Variants in PIDD1 observed in about 807,000 individuals in gnomAD.
PIDD1 encodes p53-induced death domain protein 1.
A neutral mutation model predicts 80.0 loss-of-function variants in PIDD1; 72 were observed. The ratio of observed to expected loss-of-function variants is 0.90; its 90% CI spans 0.74 to 1.09. The LOEUF (loss-of-function observed/expected upper bound fraction) is 1.09, where lower values mean the gene tolerates loss of function less well. Among genes scored for constraint, PIDD1 ranks in the 50% least tolerant of loss-of-function variants. PIDD1 has a pLI of 0.00. For synonymous variants in PIDD1, 655 were observed against 543.5 expected, an observed-to-expected ratio of 1.21 and a Z score of -2.85; for missense variants, 1,329 against 1,228.3, an observed-to-expected ratio of 1.08 and a Z score of -1.23.
In PIDD1 at chr11:802,235, T is replaced by C. The variant is rs751774501; in HGVS notation, c.1136A>G (p.His379Arg). The C allele has an allele frequency of 6.2e-6, 10 of 1,611,514 alleles. No homozygotes were observed. The Middle Eastern group carries it at 1.3e-3, about 214-fold the overall frequency. The stretch of plus-strand genomic sequence containing the variant: ...CCCATGGGGCTGCAGCTCCAGCACA[T>C]GGCTGAGCAGGGCGTCATGAGGACC... ...PLGPHDALLSHVLELQPHGVA... is the reference protein window; with the variant it reads ...PLGPHDALLSRVLELQPHGVA... Residue 379 changes from histidine to arginine, a missense_variant, in exon 6 of 16, where the codon CAT becomes CGT. Transcript: ENST00000347755.
In PIDD1 at chr11:801,481, AG is replaced by A; in HGVS notation, c.1445del (p.Pro482LeufsTer33). 1 of 1,546,168 alleles carries A rather than the reference AG, an allele frequency of 6.5e-7. No homozygotes were observed. Among genetic ancestry groups the A allele is most frequent in the South Asian group, 1.2e-5 (1 of 81,954 alleles). On this transcript the variant is annotated frameshift_variant, in exon 8 of 16. Transcript: ENST00000347755. LOFTEE classifies it high-confidence loss of function. ...GHPGVKVIFP[P>X]GATEEPRRVS... ...CTCGACGAGGCTCCTCAGTGGCCCC[AG>A]GGGGGAAGATGACTTTGACCCCAGG...
At position 800,449 on chromosome 11, in the gene PIDD1, G is replaced by C; in HGVS notation, c.2044C>G (p.Arg682Gly). Reference protein sequence around the residue: ...FERGIDVDADRPDCVEGRICF... With the variant: ...FERGIDVDADGPDCVEGRICF... ...ATTCTGCCCTCCACACAGTCAGGGC[G>C]GTCTAGGGGACAGGGGTGGGCTGAG... Residue 682 changes from arginine (R) to glycine (G), a missense_variant and splice_region_variant, in exon 13 of 16, where the codon CGC becomes GGC. Coordinates refer to ENST00000347755, the MANE Select transcript of PIDD1 (RefSeq NM_145886.4). The C allele has an allele frequency of 6.9e-7, 1 of 1,453,964 alleles. No individual in the cohort carries two copies. Among genetic ancestry groups the C allele is most frequent in the Admixed American group, 1.8e-5 (1 of 56,164 alleles). 90.1% of individuals were successfully genotyped at this position (1,453,964 alleles called of 1,614,324 possible). A position where few individuals can be genotyped will look rare whatever the true frequency, so the allele number is the denominator to read the frequency against.
chr11:800,549 C>A lies in PIDD1; in HGVS notation c.2035G>T (p.Asp679Tyr). 4.6e-6 allele frequency: 7 copies of A among 1,515,014 alleles called. No homozygotes were observed. Among genetic ancestry groups the A allele is most frequent in the Non-Finnish European group, 6.3e-6 (7 of 1,110,402 alleles). 93.8% of individuals were successfully genotyped at this position (1,515,014 alleles called of 1,614,324 possible). ...FAAFERGIDV[D>Y]ADRPDCVEGR... The stretch of plus-strand genomic sequence containing the variant: ...CATCCACCAGCATCCCTACCAGCAT[C>A]CACGTCGATGCCGCGCTCGAAGGCC... The change falls in exon 12 of 16, where the codon GAT (aspartate) becomes TAT (tyrosine). Residue 679 changes from aspartate (D) to tyrosine (Y), a missense_variant. By Grantham distance (160) the Asp-to-Tyr change is radical. Coordinates refer to ENST00000347755, the MANE Select transcript of PIDD1 (RefSeq NM_145886.4).
upstream of PIDD1, among the ~76,000 whole-genome samples, chr11:807,536 G>C (rs1167224205): frequency 6.6e-6 from 1 of 151,740 alleles, no homozygotes; most frequent in Non-Finnish European, 1.5e-5. Flanking sequence ...CCAGCACTTT[G>C]GGAGGCCGAG....
rs1399860248 is a variant in PIDD1, at chr11:801,285, T to C, written c.1563A>G (p.Ser521=). Residue 521 remains serine, a synonymous_variant, in exon 9 of 16, where the codon TCA becomes TCG. Transcript: ENST00000347755. ...EAAVSPLLCL[S]QSGPPSFLQP... ...GGAGGAAGCTGGGGGGACCGCTCTG[T>C]GACAGGCACAGCAGGGGGCTCACTG... is the stretch of plus-strand genomic sequence containing the variant. 3.1e-6 allele frequency: 5 copies of C among 1,591,206 alleles called. No individual in the cohort carries two copies. In the South Asian group the frequency reaches 3.4e-5, roughly 11 times the overall value.
Position 802,198 on chromosome 11 carries a change from C to G in PIDD1, c.1173G>C (p.Gln391His), listed in dbSNP as rs372742755. 6.2e-7 allele frequency: 1 copy of G among 1,603,074 alleles called. No homozygotes were observed. Among genetic ancestry groups the G allele is most frequent in the South Asian group, 1.1e-5 (1 of 90,150 alleles). ...LELQPHGVAFQQDVGLWLLFT... is the reference protein window; with the variant it reads ...LELQPHGVAFHQDVGLWLLFT... The stretch of plus-strand genomic sequence containing the variant: ...CCCCGCCACGCCCTGTCCATGCCTG[C>G]TGGAAGGCCACCCCATGGGGCTGCA... The change falls in exon 6 of 16, where the codon CAG becomes CAC. Residue 391 changes from glutamine (Q) to histidine (H), a missense_variant. Coordinates refer to ENST00000347755, the MANE Select transcript of PIDD1 (RefSeq NM_145886.4).
At chr11:805,907 TG>T (rs200767611), upstream of PIDD1, 1,661 of 153,448 alleles carry the variant, frequency 0.011, 19 homozygotes, top group African/African-American at 0.027. Context: ...GAGACCAGCC[TG>T]GCCAACATGG....
Position 800,821 on chromosome 11 carries a change from C to G in PIDD1, c.1858G>C (p.Ala620Pro), listed in dbSNP as rs544118846. 6.4e-7 allele frequency: 1 copy of G among 1,562,754 alleles called. No homozygotes were observed. Among genetic ancestry groups the G allele is most frequent in the Non-Finnish European group, 8.7e-7 (1 of 1,154,084 alleles). ...TCAGGGTCCCGGCGCCGCTGCAGAG[C>G]GATGAGGTTCACACGGTGCAGCCGC... ...RLRLHRVNLI[A>P]LQRRRDPEQV... Residue 620 changes from alanine to proline, a missense_variant, in exon 11 of 16, where the codon GCT becomes CCT. Ala to Pro is a conservative substitution (Grantham distance 27, BLOSUM62 -1). Coordinates refer to ENST00000347755, the MANE Select transcript of PIDD1 (RefSeq NM_145886.4).
Position 802,799 on chromosome 11 carries a change from G to C in PIDD1, c.802C>G (p.Leu268Val). The part of the protein sequence containing the change: ...DLARLPLLTR[L>V]DLRDNQLRDL... The stretch of plus-strand genomic sequence containing the variant: ...CGGAGCTGGTTGTCCCTCAGGTCGA[G>C]CCGGGTGAGGAGTGGAAGGCGGGCC... The change falls in exon 4 of 16, where the codon CTC becomes GTC. Residue 268 changes from leucine (L) to valine (V), a missense_variant. Transcript: ENST00000347755. 6.2e-7 allele frequency: 1 copy of C among 1,605,226 alleles called. No individual in the cohort carries two copies. Among genetic ancestry groups the C allele is most frequent in the African/African-American group, 1.3e-5 (1 of 74,958 alleles).
At chr11:802,941 T>A in intron 3 of PIDD1, 50 bp from the exon 4 acceptor site, 1 of 1,460,434 alleles carries the variant, frequency 6.8e-7, no homozygotes, top group South Asian at 1.2e-5. Flanking sequence ...CCCACGGCGC[T>A]GGGACACTCC....
chr11:801,150 C>T lies in PIDD1; in HGVS notation c.1631-30G>A, dbSNP rs189614907. ...GGATGGGAGGGGCAGCGAGCTGAGG[C>T]CTCCTGGCCGGAGACCCCCTCCACC... On this transcript the variant is annotated intron_variant, in intron 9 of 15. Transcript: ENST00000347755. 338 of 1,546,850 alleles carry T rather than the reference C, an allele frequency of 2.2e-4. 3 individuals carry two copies. The Middle Eastern group carries it at 3.0e-3, about 14-fold the overall frequency.
chr11:804,670 C>A, intron 1 of PIDD1: 1 of 441,290 alleles, frequency 2.3e-6, no homozygotes, highest in South Asian at 4.2e-5. Context: ...CCATGGCTCG[C>A]AGGAGCACCG....
Position 802,351 on chromosome 11 carries a change from G to A in PIDD1, c.1020C>T (p.Gly340=), listed in dbSNP as rs750608574. Residue 340 remains glycine, a synonymous_variant, in exon 6 of 16, where the codon GGC becomes GGT. Coordinates refer to ENST00000347755, the MANE Select transcript of PIDD1 (RefSeq NM_145886.4). ...PQGCSVTLAC[G]VRLQFPAGAT... is the part of the protein sequence containing the mutation. ...CTCCCGCTGGGAACTGCAGGCGGAC[G>A]CCACAGGCCAGGGTCACTGAGCAGC... 1.4e-5 allele frequency: 23 copies of A among 1,611,622 alleles called. No homozygotes were observed. The highest frequency in any genetic ancestry group is 1.8e-4 in the Middle Eastern group (1 of 5,648).
chr11:803,528 C>T lies in PIDD1; in HGVS notation c.355G>A (p.Ala119Thr), dbSNP rs147662808. 17 of 1,613,076 alleles carry T rather than the reference C, an allele frequency of 1.1e-5. No homozygotes were observed. Among genetic ancestry groups the T allele is most frequent in the Middle Eastern group, 1.6e-4 (1 of 6,084 alleles). ...AGATGGGCCAGGCCACTCAGACCAGCGGGCAGGTTGGTCAGGGCACCCCGG... is the reference window on the plus strand; with the variant it reads ...AGATGGGCCAGGCCACTCAGACCAGTGGGCAGGTTGGTCAGGGCACCCCGG... ...CLRGALTNLPAGLSGLAHLAH... is the reference protein window; with the variant it reads ...CLRGALTNLPTGLSGLAHLAH... Residue 119 changes from alanine to threonine, a missense_variant, in exon 3 of 16, where the codon GCT (alanine) becomes ACT (threonine). Physicochemically the swap from Ala to Thr is moderately conservative, Grantham distance 58. Transcript: ENST00000347755.
chr11:805,616 C>G, upstream of PIDD1: 2 of 985,394 alleles, frequency 2.0e-6, no homozygotes, highest in Non-Finnish European at 2.4e-6. Context: ...CCGCACCCAC[C>G]CCTGCTACAA....
Position 801,478 on chromosome 11 carries a change from C to T in PIDD1, c.1449G>A (p.Gly483=), listed in dbSNP as rs2133776254. 4 of 1,547,366 alleles carry T rather than the reference C, an allele frequency of 2.6e-6. No individual in the cohort carries two copies. The East Asian group carries it at 7.0e-5, about 27-fold the overall frequency. The change falls in exon 8 of 16, where the codon GGG becomes GGA. Residue 483 remains glycine (G), a synonymous_variant. Coordinates refer to ENST00000347755, the MANE Select transcript of PIDD1 (RefSeq NM_145886.4). ...HPGVKVIFPP[G]ATEEPRRVSM... Reference sequence around the variant, plus strand: ...AGACTCGACGAGGCTCCTCAGTGGCCCCAGGGGGGAAGATGACTTTGACCC... The same window carrying T: ...AGACTCGACGAGGCTCCTCAGTGGCTCCAGGGGGGAAGATGACTTTGACCC...
In PIDD1 at chr11:801,482, G is replaced by A. The variant is rs199821306; in HGVS notation, c.1445C>T (p.Pro482Leu). ...GHPGVKVIFPPGATEEPRRVS... is the reference protein window; with the variant it reads ...GHPGVKVIFPLGATEEPRRVS... ...TCGACGAGGCTCCTCAGTGGCCCCAGGGGGGAAGATGACTTTGACCCCAGG... is the reference window on the plus strand; with the variant it reads ...TCGACGAGGCTCCTCAGTGGCCCCAAGGGGGAAGATGACTTTGACCCCAGG... The change falls in exon 8 of 16, where the codon CCT becomes CTT. Residue 482 changes from proline (P) to leucine (L), a missense_variant. Transcript: ENST00000347755. The A allele has an allele frequency of 2.3e-5, 36 of 1,546,924 alleles. No homozygotes were observed. In the East Asian group the frequency reaches 5.1e-4, roughly 22 times the overall value.
At chr11:805,092 C>T (rs1008982858) in intron 1 of PIDD1, 87 bp downstream of exon 1, 4 of 511,234 alleles carry the variant, frequency 7.8e-6, no homozygotes, top group African/African-American at 6.2e-5. Flanking sequence ...CGGGATCCCC[C>T]GGGCGTCGGG....
Position 799,916 on chromosome 11 carries a change from G to A in PIDD1, c.2373C>T (p.Asn791=), listed in dbSNP as rs200073975. ...CCAGACGCCCAGCCACACTCAGCAG[G>A]TTGCTCTGCGTCAGAAAGCCGGTCT... ...DAETGFLTQS[N]LLSVAGRLGL... The change falls in exon 15 of 16, where the codon AAC becomes AAT. Residue 791 remains asparagine (N), a synonymous_variant. Transcript: ENST00000347755. 3 of 1,612,708 alleles carry A rather than the reference G, an allele frequency of 1.9e-6. No homozygotes were observed. Among genetic ancestry groups the A allele is most frequent in the Non-Finnish European group, 1.7e-6 (2 of 1,179,932 alleles).
Sources: allele counts gnomAD v4.1 joint callset (sites outside exome capture counted in the v4.1 genomes callset), GRCh38; gene constraint gnomAD v4.1.1; transcripts MANE v1.5; gene names NCBI Gene and HGNC (gene_info 2026-07-23, HGNC 2026-07-21).